The following GPATCH8 variants were observed in gnomAD, a reference collection of about 807,000 sequenced individuals.
The protein encoded by GPATCH8 is G patch domain-containing protein 8.
A neutral mutation model predicts 118.3 loss-of-function variants in GPATCH8; 18 were observed. That is an observed-to-expected ratio of 0.15 (90% CI 0.11 to 0.23). The LOEUF is 0.23. GPATCH8 is among the 10% of genes least tolerant of loss of function. The pLI is 1.00. For missense variants in GPATCH8, 1,631 were observed against 1,873.8 expected (o/e 0.87, Z 2.39); for synonymous variants, 659 against 684.7 (o/e 0.96, Z 0.59).
At chr17:44,411,927 T>TA (rs113092631) in intron 6 of GPATCH8, among the ~76,000 whole-genome samples, 12 of 149,766 alleles carry the variant, frequency 8.0e-5, no homozygotes, top group East Asian at 2.0e-4. Flanking sequence ...ACTGTGTCTA[T>TA]AAAAAAAAAA....
chr17:44,423,195 C>G (rs1455630710), intron 6 of GPATCH8, among the ~76,000 whole-genome samples: 6 of 151,952 alleles, frequency 3.9e-5, no homozygotes, highest in Admixed American at 6.6e-5. Flanking sequence ...GAGCTGAGAT[C>G]CACCACTGCA....
chr17:44,436,715 C>G, intron 3 of GPATCH8, 170 bp from the exon 4 acceptor site: 1 of 669,314 alleles, frequency 1.5e-6, no homozygotes, highest in Non-Finnish European at 2.7e-6. Flanking sequence ...CCTTCCTTTC[C>G]TAGTTTAAAC....
chr17:44,471,533 A>G (rs1338634152), intron 2 of GPATCH8, among the ~76,000 whole-genome samples: 1 of 152,198 alleles, frequency 6.6e-6, no homozygotes, highest in African/African-American at 2.4e-5. Context: ...TAGCTCCTGC[A>G]ATGATCTGTA....
chr17:44,448,567 GGAAGAGGAAGAA>G (rs1207322717), intron 3 of GPATCH8, among the ~76,000 whole-genome samples: 7 of 68,930 alleles, frequency 1.0e-4, no homozygotes, highest in South Asian at 3.9e-4. Flanking sequence ...AAGAAGAAGA[GGAAGAGGAAGAA>G]GAAGAAGAAG....
intron 1 of GPATCH8, among the ~76,000 whole-genome samples, chr17:44,479,666 T>C (rs986368434): frequency 1.3e-5 from 2 of 152,096 alleles, no homozygotes; most frequent in African/African-American, 4.8e-5. Context: ...GCACAATCAA[T>C]ATATGGAATA....
At chr17:44,448,928 T>C (rs1169592878) in intron 3 of GPATCH8, among the ~76,000 whole-genome samples, 1 of 152,252 alleles carries the variant, frequency 6.6e-6, no homozygotes, top group Non-Finnish European at 1.5e-5. Context: ...AATGTTTTTC[T>C]AGCCCTGATC....
At chr17:44,447,082 C>T (rs943449670) in intron 3 of GPATCH8, among the ~76,000 whole-genome samples, 8 of 151,980 alleles carry the variant, frequency 5.3e-5, no homozygotes, top group African/African-American at 1.9e-4. Context: ...GTGATCTGCC[C>T]GCCTTGGCCT....
chr17:44,449,090 A>G (rs1011458186), intron 3 of GPATCH8, among the ~76,000 whole-genome samples: 1 of 152,146 alleles, frequency 6.6e-6, no homozygotes, highest in Admixed American at 6.5e-5. Flanking sequence ...AGCCTGGCCA[A>G]CATGGTGAAA....
chr17:44,453,083 T>A (rs2051176515), intron 3 of GPATCH8, among the ~76,000 whole-genome samples: 1 of 152,216 alleles, frequency 6.6e-6, no homozygotes, highest in Admixed American at 6.5e-5. Flanking sequence ...CCACCCACAT[T>A]GGCCTGCCAA....
chr17:44,398,061 T>C lies in GPATCH8; in HGVS notation c.4016A>G (p.Gln1339Arg), dbSNP rs1469149027. Residue 1339 changes from glutamine to arginine, a missense_variant, in exon 8 of 8, where the codon CAA becomes CGA. Around this residue, in one of 8 missense-constraint regions of GPATCH8, gnomAD observed 111 missense variants for 112.4 expected, o/e 0.99. Coordinates refer to ENST00000591680, the MANE Select transcript of GPATCH8 (RefSeq NM_001002909.4). Reference sequence around the variant, plus strand: ...AGCTGAGGCTGGAAAGGCCTTTACTTGCTTGGCCAGAAGCTGCTGCTGGAT... The same window carrying C: ...AGCTGAGGCTGGAAAGGCCTTTACTCGCTTGGCCAGAAGCTGCTGCTGGAT... ...QHIQQQLLAK[Q>R]VKAFPASAAL... 6.2e-7 allele frequency: 1 copy of C among 1,614,028 alleles called. No individual in the cohort carries two copies. Among genetic ancestry groups the C allele is most frequent in the Non-Finnish European group, 8.5e-7 (1 of 1,179,944 alleles).
chr17:44,419,256 C>T (rs930719204), intron 6 of GPATCH8, among the ~76,000 whole-genome samples: 26 of 152,176 alleles, frequency 1.7e-4, no homozygotes, highest in African/African-American at 6.3e-4. Flanking sequence ...ATTGCTAATA[C>T]AGGGTTGAAA....
At chr17:44,448,987 T>G (rs922105053) in intron 3 of GPATCH8, among the ~76,000 whole-genome samples, 7 of 152,176 alleles carry the variant, frequency 4.6e-5, no homozygotes, top group Admixed American at 3.3e-4. Flanking sequence ...TAAAATATCA[T>G]TTCCTGGGCT....
Position 44,399,914 on chromosome 17 carries a change from T to C in GPATCH8, c.2163A>G (p.Ser721=), listed in dbSNP as rs74823475. 1,028 of 1,614,092 alleles carry C rather than the reference T, an allele frequency of 6.4e-4. 3 individuals are homozygous for C. In the African/African-American group the frequency reaches 0.012, roughly 19 times the overall value. ...RKKRKRKKNK[S]SAPADSERGP... ...CTCGTTCAGAATCTGCTGGGGCTGA[T>C]GACTTATTCTTCTTTCGTTTTCGTT... The change falls in exon 8 of 8, where the codon TCA becomes TCG. Residue 721 remains serine (S), a synonymous_variant. Coordinates refer to ENST00000591680, the MANE Select transcript of GPATCH8 (RefSeq NM_001002909.4).
chr17:44,437,954 A>AAC (rs2050568091), intron 3 of GPATCH8, among the ~76,000 whole-genome samples: 3 of 122,632 alleles, frequency 2.4e-5, no homozygotes, highest in South Asian at 2.5e-4. Flanking sequence ...AGAAAAAAAA[A>AAC]AAAAACAAAA....
chr17:44,466,219 G>A (rs927820163), intron 2 of GPATCH8, among the ~76,000 whole-genome samples: 1 of 151,270 alleles, frequency 6.6e-6, no homozygotes, highest in Non-Finnish European at 1.5e-5. Flanking sequence ...TGTTGCCCAC[G>A]ATGATCTAGA....
chr17:44,447,805 T>G (rs914695463), intron 3 of GPATCH8, among the ~76,000 whole-genome samples: 1 of 152,126 alleles, frequency 6.6e-6, no homozygotes, highest in African/African-American at 2.4e-5. Flanking sequence ...CCCATCCCCC[T>G]TTTTAGGACT....
Position 44,399,601 on chromosome 17 carries a change from G to C in GPATCH8, c.2476C>G (p.His826Asp), listed in dbSNP as rs765042666. 1 of 1,614,226 alleles carries C rather than the reference G, an allele frequency of 6.2e-7. No homozygotes were observed. Residue 826 changes from histidine (H) to aspartate (D), a missense_variant, in exon 8 of 8, where the codon CAC becomes GAC. Around this residue, in one of 8 missense-constraint regions of GPATCH8, gnomAD observed 922 missense variants for 879.7 expected, o/e 1.05. Transcript: ENST00000591680. ...GATGGAGACTTCTGGTGCAGCCGGT[G>C]TGAGGAAGCATCATCACTATCCTCA... ...GDEDSDDASS[H>D]RLHQKSPSQY...
Position 44,399,889 on chromosome 17 carries a change from C to A in GPATCH8, c.2188G>T (p.Gly730Ter). 1 of 1,613,982 alleles carries A rather than the reference C, an allele frequency of 6.2e-7. No homozygotes were observed. Among genetic ancestry groups the A allele is most frequent in the South Asian group, 1.1e-5 (1 of 91,052 alleles). ...KSSAPADSER[G>*]PKPEPPGSGS... ...CTCCCAGGGGGTTCTGGTTTGGGTC[C>A]TCGTTCAGAATCTGCTGGGGCTGAT... The change falls in exon 8 of 8, where the codon GGA becomes TGA. Residue 730 changes from glycine (G) to a stop codon, truncating the protein, a stop_gained. Transcript: ENST00000591680. LOFTEE classifies it high-confidence loss of function.
At chr17:44,492,667 T>C (rs1193542722) in intron 1 of GPATCH8, among the ~76,000 whole-genome samples, 1 of 152,122 alleles carries the variant, frequency 6.6e-6, no homozygotes, top group African/African-American at 2.4e-5. Context: ...CTTCGAAATG[T>C]CTTTGCACCA....
Sources: allele counts gnomAD v4.1 joint callset (sites outside exome capture counted in the v4.1 genomes callset), GRCh38; gene constraint gnomAD v4.1.1; regional missense constraint gnomAD v4.1.1; transcripts MANE v1.5; gene names NCBI Gene and HGNC (gene_info 2026-07-23, HGNC 2026-07-21).